Variants in KRT36 observed in about 807,000 individuals in gnomAD.
The protein encoded by KRT36 is keratin 36, also known as keratin, type I cuticular Ha6.
A neutral mutation model predicts 43.0 loss-of-function variants in KRT36; 41 were observed. The ratio of observed to expected loss-of-function variants is 0.95; its 90% CI spans 0.74 to 1.24. The LOEUF is 1.24. Among genes scored for constraint, KRT36 ranks in the 50% most tolerant of loss-of-function variants. KRT36 has a pLI of 0.00. For missense variants in KRT36, 627 were observed against 595.3 expected (o/e 1.05, Z -0.55); for synonymous variants, 277 against 252.9 (o/e 1.10, Z -0.90).
chr17:41,487,398 G>C lies in KRT36; in HGVS notation c.940C>G (p.Arg314Gly). 1 of 1,613,728 alleles carries C rather than the reference G, an allele frequency of 6.2e-7. No individual in the cohort carries two copies. The highest frequency in any genetic ancestry group is 8.5e-7 in the Non-Finnish European group (1 of 1,179,880). Residue 314 changes from arginine (R) to glycine (G), a missense_variant, in exon 5 of 7, where the codon CGT (arginine) becomes GGT (glycine). Arg to Gly is a moderately radical substitution (Grantham distance 125, BLOSUM62 -2). Transcript: ENST00000328119. Reference protein sequence around the residue: ...CCQTEIIELRRTVNALEIELQ... With the variant: ...CCQTEIIELRGTVNALEIELQ... ...TCAATCTCTAGCGCGTTGACCGTAC[G>C]TCTCAGCTCGATGATCTCCGTCTGG... is the stretch of plus-strand genomic sequence containing the variant.
chr17:41,486,340 T>C lies in KRT36; in HGVS notation c.*36A>G. The C allele has an allele frequency of 6.3e-7, 1 of 1,591,312 alleles. No individual in the cohort carries two copies. Among genetic ancestry groups the C allele is most frequent in the African/African-American group, 1.3e-5 (1 of 74,520 alleles). ...AGCCACAGGGGTGTCCTCCTTCCTG[T>C]GGTCAGGGCCCTGCCCTGGTGGACC... is the stretch of plus-strand genomic sequence containing the variant. On this transcript the variant is annotated 3_prime_UTR_variant, in exon 7 of 7. Transcript: ENST00000328119.
At chr17:41,486,677 T>C (rs893528461) in intron 6 of KRT36, 106 bp from the exon 7 acceptor site, 2 of 892,190 alleles carry the variant, frequency 2.2e-6, no homozygotes, top group African/African-American at 1.7e-5. Flanking sequence ...CCCCGGATCA[T>C]CTCAGTGCCT....
rs780330505 is a variant in KRT36 at position 41,489,731 on chromosome 17, G to A, written c.134C>T (p.Ala45Val). 2 of 1,614,142 alleles carry A rather than the reference G, an allele frequency of 1.2e-6. No individual in the cohort carries two copies. Among genetic ancestry groups the A allele is most frequent in the East Asian group, 2.2e-5 (1 of 44,874 alleles). The change falls in exon 1 of 7, where the codon GCT becomes GTT. Residue 45 changes from alanine to valine, a missense_variant. By Grantham distance (64) the Ala-to-Val change is moderately conservative. Transcript: ENST00000328119. ...CCTAGCAGAAGAGATGTACCCTGCAGCACCGGCGAGACTGGGGACCCTGCA... is the reference window on the plus strand; with the variant it reads ...CCTAGCAGAAGAGATGTACCCTGCAACACCGGCGAGACTGGGGACCCTGCA... ...GSCRVPSLAG[A>V]AGYISSARSG...
rs1344634387 is a variant in KRT36, at chr17:41,486,962, C to G, written c.1196G>C (p.Gly399Ala). The part of the protein sequence containing the change: ...EIATYRHLLE[G>A]EDCKLPPQPC... ...AAGGGCCACTCACTTGCAGTCCTCT[C>G]CCTCCAGCAGGTGGCGGTAGGTAGC... Residue 399 changes from glycine (G) to alanine (A), a missense_variant, in exon 6 of 7, where the codon GGA (glycine) becomes GCA (alanine). Transcript: ENST00000328119. 6.2e-7 allele frequency: 1 copy of G among 1,612,558 alleles called. No individual in the cohort carries two copies. The highest frequency in any genetic ancestry group is 8.5e-7 in the Non-Finnish European group (1 of 1,179,872).
Position 41,489,445 on chromosome 17 carries a change from G to A in KRT36, c.420C>T (p.Tyr140=), listed in dbSNP as rs201714426. Residue 140 remains tyrosine (Y), a synonymous_variant, in exon 1 of 7, where the codon TAC becomes TAT. Coordinates refer to ENST00000328119, the MANE Select transcript of KRT36 (RefSeq NM_003771.5). ...CTTCGATGGTCTTGAAGTAGGACTGGTAGTCTGGGCAGATGTATGGGATCT... is the reference window on the plus strand; with the variant it reads ...CTTCGATGGTCTTGAAGTAGGACTGATAGTCTGGGCAGATGTATGGGATCT... ...EFQIPYICPD[Y]QSYFKTIEDF... 1.9e-5 allele frequency: 30 copies of A among 1,614,120 alleles called. No homozygotes were observed. Among genetic ancestry groups the A allele is most frequent in the Non-Finnish European group, 2.2e-5 (26 of 1,180,042 alleles).
rs570776801 is a variant in KRT36, at chr17:41,486,815, T to C, written c.1208+135A>G. ...TCTCCCGCTGTGCATTACCAAAGCC[T>C]GGGACTAAATGGAGAATCTCAAGGG... On this transcript the variant is annotated intron_variant, in intron 6 of 6. Transcript: ENST00000328119. The C allele has an allele frequency of 1.1e-3, 886 of 827,974 alleles. 16 individuals are homozygous for C. The South Asian group carries it at 0.015, about 14-fold the overall frequency. 51.3% of individuals were successfully genotyped at this position (827,974 alleles called of 1,614,324 possible).
In KRT36 at chr17:41,488,402, G is replaced by C. The variant is rs1904466479; in HGVS notation, c.543-3C>G. 6.2e-7 allele frequency: 1 copy of C among 1,613,260 alleles called. No homozygotes were observed. The highest frequency in any genetic ancestry group is 8.5e-7 in the Non-Finnish European group (1 of 1,179,458). On this transcript the variant is annotated splice_region_variant and splice_polypyrimidine_tract_variant and intron_variant, in intron 2 of 6. Coordinates refer to ENST00000328119, the MANE Select transcript of KRT36 (RefSeq NM_003771.5). ...GCAGAGACAGCTCTGTCTCATACCT[G>C]CACACACAGAACCCTGCCAAGTCTG...
At chr17:41,489,255 C>T (rs1035859295) in intron 1 of KRT36, 151 bp downstream of exon 1, 6 of 779,754 alleles carry the variant, frequency 7.7e-6, no homozygotes, top group East Asian at 2.7e-5. Flanking sequence ...AAGCCTGGGT[C>T]CCCCAGGAAA....
At chr17:41,487,538 G>A in intron 4 of KRT36, 38 bp downstream of exon 4, 1 of 1,613,038 alleles carries the variant, frequency 6.2e-7, no homozygotes, top group Non-Finnish European at 8.5e-7. Context: ...GGTAACCCCA[G>A]CCCAGGAGCC....
chr17:41,489,390 G>GC lies in KRT36; in HGVS notation c.459+15dup, dbSNP rs763065413. 2.1e-5 allele frequency: 33 copies of GC among 1,609,500 alleles called. No homozygotes were observed. In the South Asian group the frequency reaches 3.3e-4, roughly 16 times the overall value. ...AGTTGGGCTGCTCAGCTGGAAAGGG[G>GC]CCAGGTCTCCCTCACCTTCTGCTGG... On this transcript the variant is annotated intron_variant, in intron 1 of 6. Transcript: ENST00000328119.
chr17:41,489,514 C>G lies in KRT36; in HGVS notation c.351G>C (p.Glu117Asp), dbSNP rs1904502907. 6.2e-7 allele frequency: 1 copy of G among 1,614,248 alleles called. No individual in the cohort carries two copies. The highest frequency in any genetic ancestry group is 8.5e-7 in the Non-Finnish European group (1 of 1,180,050). Residue 117 changes from glutamate to aspartate, a missense_variant, in exon 1 of 7, where the codon GAG becomes GAC. Physicochemically the swap from Glu to Asp is conservative, Grantham distance 45. Transcript: ENST00000328119. ...GGATGCGGCTCTCCAGCTCCGCGTT[C>G]TCCCGCTCCAGCTGACGCACCTTCT... The part of the protein sequence containing the change: ...YLEKVRQLER[E>D]NAELESRIQE...
chr17:41,486,671 G>A (rs1033865935), intron 6 of KRT36, 100 bp from the exon 7 acceptor site: 50 of 982,226 alleles, frequency 5.1e-5, no homozygotes, highest in Non-Finnish European at 6.9e-5. Flanking sequence ...CGGTGGCCCC[G>A]GATCATCTCA....
Position 41,489,336 on chromosome 17 carries a change from G to T in KRT36, c.459+70C>A, listed in dbSNP as rs186234551. The T allele has an allele frequency of 1.8e-4, 263 of 1,495,616 alleles. 1 individual carries two copies. In the East Asian group the frequency reaches 5.5e-3, roughly 31 times the overall value. 92.6% of individuals were successfully genotyped at this position (1,495,616 alleles called of 1,614,324 possible). On this transcript the variant is annotated intron_variant, in intron 1 of 6. Transcript: ENST00000328119. Reference sequence around the variant, plus strand: ...AAAAGCTACCGTCCCATCTGGAAAGGCCCTGGAATGAGACAGACGCCTCCT... The same window carrying T: ...AAAAGCTACCGTCCCATCTGGAAAGTCCCTGGAATGAGACAGACGCCTCCT...
In KRT36 at chr17:41,488,713, A is replaced by C. The variant is rs756343340; in HGVS notation, c.471T>G (p.Thr157=). The change falls in exon 2 of 7, where the codon ACT becomes ACG. Residue 157 remains threonine (T), a synonymous_variant. Transcript: ENST00000328119. Reference sequence around the variant, plus strand: ...GGACCAGCCTGGCATTCTCAGACTTAGTCAGCAGGATCTGGGGAACAAGAG... The same window carrying C: ...GGACCAGCCTGGCATTCTCAGACTTCGTCAGCAGGATCTGGGGAACAAGAG... ...IEDFQQKILL[T]KSENARLVLQ... 20 of 1,614,088 alleles carry C rather than the reference A, an allele frequency of 1.2e-5. No homozygotes were observed. The highest frequency in any genetic ancestry group is 1.7e-5 in the Non-Finnish European group (20 of 1,179,994).
rs771221140 is a variant in KRT36, at chr17:41,486,998, T to A, written c.1160A>T (p.Glu387Val). 6.2e-7 allele frequency: 1 copy of A among 1,613,944 alleles called. No individual in the cohort carries two copies. The highest frequency in any genetic ancestry group is 1.1e-5 in the South Asian group (1 of 91,068). The change falls in exon 6 of 7, where the codon GAG becomes GTG. Residue 387 changes from glutamate (E) to valine (V), a missense_variant. Physicochemically the swap from Glu to Val is moderately radical, Grantham distance 121. Transcript: ENST00000328119. ...GTGGCGGTAGGTAGCGATCTCGCCC[T>A]CCAGCCGGGCCTTGACGTCCAGTAA... ...QVLLDVKARL[E>V]GEIATYRHLL...
In KRT36 at chr17:41,489,168, G is replaced by A. The variant is rs138743333; in HGVS notation, c.459+238C>T. ...TGTATCCGGTAGGGGCTTGGTACATGTTCCTTCCCTTCCTACAGCAAGGGG... is the reference window on the plus strand; with the variant it reads ...TGTATCCGGTAGGGGCTTGGTACATATTCCTTCCCTTCCTACAGCAAGGGG... On this transcript the variant is annotated intron_variant, in intron 1 of 6. Transcript: ENST00000328119. Among the ~76,000 whole-genome samples, 484 of 152,302 alleles carry A rather than the reference G, an allele frequency of 3.2e-3. 2 individuals carry two copies. The highest frequency in any genetic ancestry group is 4.5e-3 in the Non-Finnish European group (307 of 68,012).
Position 41,487,352 on chromosome 17 carries a change from A to C in KRT36, c.986T>G (p.Met329Arg). ...GCGACGCAGGCAGGGGCCACTCACCATGCTGTGCTGAGCCTGCAGCTCAAT... is the reference window on the plus strand; with the variant it reads ...GCGACGCAGGCAGGGGCCACTCACCCTGCTGTGCTGAGCCTGCAGCTCAAT... ...LEIELQAQHS[M>R]RNSLESTLAE... Residue 329 changes from methionine (M) to arginine (R), a missense_variant and splice_region_variant, in exon 5 of 7, where the codon ATG becomes AGG. Coordinates refer to ENST00000328119, the MANE Select transcript of KRT36 (RefSeq NM_003771.5). 6.2e-7 allele frequency: 1 copy of C among 1,611,080 alleles called. No individual in the cohort carries two copies. The highest frequency in any genetic ancestry group is 8.5e-7 in the Non-Finnish European group (1 of 1,179,674).
chr17:41,489,735 C>G lies in KRT36; in HGVS notation c.130G>C (p.Gly44Arg). 6.2e-7 allele frequency: 1 copy of G among 1,614,044 alleles called. No homozygotes were observed. Among genetic ancestry groups the G allele is most frequent in the Non-Finnish European group, 8.5e-7 (1 of 1,179,982 alleles). Reference sequence around the variant, plus strand: ...GCAGAAGAGATGTACCCTGCAGCACCGGCGAGACTGGGGACCCTGCAGGAG... The same window carrying G: ...GCAGAAGAGATGTACCCTGCAGCACGGGCGAGACTGGGGACCCTGCAGGAG... ...VGSCRVPSLA[G>R]AAGYISSARS... The change falls in exon 1 of 7, where the codon GGT (glycine) becomes CGT (arginine). Residue 44 changes from glycine to arginine, a missense_variant. Transcript: ENST00000328119.
chr17:41,489,649 G>T lies in KRT36; in HGVS notation c.216C>A (p.Cys72Ter). The change falls in exon 1 of 7, where the codon TGC (cysteine) becomes TGA (stop). Residue 72 changes from cysteine to a stop codon, truncating the protein, a stop_gained. Coordinates refer to ENST00000328119, the MANE Select transcript of KRT36 (RefSeq NM_003771.5). LOFTEE classifies it high-confidence loss of function. Reference sequence around the variant, plus strand: ...CGCTCCCCACAAAGCCAGAGGTGTGGCACTCAGAAGACAGGTAGGAGCCAG... The same window carrying T: ...CGCTCCCCACAAAGCCAGAGGTGTGTCACTCAGAAGACAGGTAGGAGCCAG... ...CLPGSYLSSE[C>*]HTSGFVGSGG... 1 of 1,614,194 alleles carries T rather than the reference G, an allele frequency of 6.2e-7. No homozygotes were observed. Among genetic ancestry groups the T allele is most frequent in the Non-Finnish European group, 8.5e-7 (1 of 1,180,046 alleles).
Sources: gnomAD v4.1 joint callset for allele counts (sites outside exome capture counted in the v4.1 genomes callset) on GRCh38, gnomAD v4.1.1 for gene constraint, MANE v1.5 for transcripts, NCBI Gene and HGNC (gene_info 2026-07-23, HGNC 2026-07-21) for gene names.